Variants in MMP16 observed in about 807,000 individuals in gnomAD.
MMP16 encodes matrix metalloproteinase-16.
A neutral mutation model predicts 67.8 loss-of-function variants in MMP16; 12 were observed. The observed-to-expected ratio is 0.18, with a 90% CI of 0.11 to 0.29. MMP16 has a LOEUF of 0.29. Among genes scored for constraint, MMP16 ranks in the 10% least tolerant of loss-of-function variants. The pLI is 1.00. For missense variants in MMP16, 475 were observed against 765.7 expected, an observed-to-expected ratio of 0.62 and a Z score of 4.48; for synonymous variants, 249 against 255.9, an observed-to-expected ratio of 0.97 and a Z score of 0.26.
At chr8:88,112,954 T>G (rs532903584) in intron 6 of MMP16, among the ~76,000 whole-genome samples, 1 of 151,944 alleles carries the variant, frequency 6.6e-6, no homozygotes. Flanking sequence ...AGAATTTACG[T>G]AAATAATACT....
chr8:88,101,653 G>A (rs1386158527), intron 6 of MMP16, among the ~76,000 whole-genome samples: 1 of 151,880 alleles, frequency 6.6e-6, no homozygotes, highest in Non-Finnish European at 1.5e-5. Context: ...TAGGTGAGGG[G>A]CAAAGAGCCT....
At chr8:88,124,090 C>T (rs1264778598) in intron 4 of MMP16, among the ~76,000 whole-genome samples, 2 of 151,888 alleles carry the variant, frequency 1.3e-5, no homozygotes, top group South Asian at 2.1e-4. Flanking sequence ...AATGCACTTG[C>T]GAGTAGCATT....
chr8:88,048,905 C>G (rs1295436471), intron 8 of MMP16, among the ~76,000 whole-genome samples: 1 of 152,132 alleles, frequency 6.6e-6, no homozygotes, highest in Non-Finnish European at 1.5e-5. Context: ...GGATTCTTTA[C>G]CTAACAGAGC....
At chr8:88,243,680 C>T (rs978390880) in intron 1 of MMP16, among the ~76,000 whole-genome samples, 9 of 152,046 alleles carry the variant, frequency 5.9e-5, no homozygotes, top group African/African-American at 1.9e-4. Flanking sequence ...AATTTTTTTA[C>T]GTTAATCGTT....
chr8:88,132,518 G>A (rs908186564), intron 4 of MMP16, among the ~76,000 whole-genome samples: 3 of 151,870 alleles, frequency 2.0e-5, no homozygotes, highest in Non-Finnish European at 2.9e-5. Flanking sequence ...GTGTTGGCAA[G>A]CTTTGGATCC....
At chr8:88,200,538 T>G (rs1272946243) in intron 1 of MMP16, among the ~76,000 whole-genome samples, 6 of 152,062 alleles carry the variant, frequency 3.9e-5, no homozygotes, top group African/African-American at 1.4e-4. Context: ...ATTATTCAGT[T>G]GGAGGAACAA....
chr8:88,093,620 C>CT (rs1279836962), intron 6 of MMP16, among the ~76,000 whole-genome samples: 4 of 151,728 alleles, frequency 2.6e-5, no homozygotes, highest in African/African-American at 9.7e-5. Flanking sequence ...TTTAGCTGTT[C>CT]TTTGTACTTC....
At chr8:88,206,258 A>G (rs933726846) in intron 1 of MMP16, among the ~76,000 whole-genome samples, 27 of 152,100 alleles carry the variant, frequency 1.8e-4, no homozygotes, top group Non-Finnish European at 1.5e-4. Flanking sequence ...GAAATTTTTC[A>G]TCACCCCAAA....
In MMP16 at chr8:88,118,901, T is replaced by C. The variant is rs751977916; in HGVS notation, c.710-40A>G. ...AGAAAATAAGTTTTTGTAACTAATA[T>C]CCAAATACAGAATTGAAAAGGACAA... On this transcript the variant is annotated intron_variant, in intron 4 of 9. Transcript: ENST00000286614. 4 of 1,578,178 alleles carry C rather than the reference T, an allele frequency of 2.5e-6. No individual in the cohort carries two copies. The South Asian group carries it at 3.4e-5, about 13-fold the overall frequency.
chr8:88,188,091 G>A (rs190394446), intron 2 of MMP16, among the ~76,000 whole-genome samples: 1 of 152,132 alleles, frequency 6.6e-6, no homozygotes, highest in East Asian at 1.9e-4. Context: ...TCAAGAGAAG[G>A]GGTTTTGGTA....
intron 6 of MMP16, among the ~76,000 whole-genome samples, chr8:88,092,506 A>G (rs1808955009): frequency 6.6e-6 from 1 of 151,750 alleles, no homozygotes; most frequent in African/African-American, 2.4e-5. Context: ...TATTTATGTG[A>G]TTTTTGACTG....
intron 1 of MMP16, among the ~76,000 whole-genome samples, chr8:88,233,662 C>G (rs1307229830): frequency 3.3e-5 from 5 of 152,186 alleles, no homozygotes; most frequent in Non-Finnish European, 7.3e-5. Flanking sequence ...CTGTCTGGTA[C>G]TGGGCTTTTT....
intron 8 of MMP16, among the ~76,000 whole-genome samples, chr8:88,048,239 A>G (rs1808223485): frequency 6.6e-6 from 1 of 152,094 alleles, no homozygotes; most frequent in East Asian, 1.9e-4. Flanking sequence ...TACTCAGTGT[A>G]TAGACATTAA....
Position 88,075,179 on chromosome 8 carries a change from C to T in MMP16, c.1084-436G>A, listed in dbSNP as rs188678717. ...AATAGAGAGTCCACACCTGTCTGTA[C>T]GCCCCTGTTATGCCTATTGTCTCAT... On this transcript the variant is annotated intron_variant, in intron 6 of 9. Transcript: ENST00000286614. 2.0e-4 allele frequency among the ~76,000 whole-genome samples: 30 copies of T among 152,234 alleles called. No homozygotes were observed. In the East Asian group the frequency reaches 2.7e-3, roughly 14 times the overall value.
chr8:88,098,586 CT>C (rs1201976465), intron 6 of MMP16, among the ~76,000 whole-genome samples: 1 of 151,834 alleles, frequency 6.6e-6, no homozygotes, highest in Non-Finnish European at 1.5e-5. Flanking sequence ...ATAACAAATA[CT>C]TATTTCAAGA....
intron 1 of MMP16, among the ~76,000 whole-genome samples, chr8:88,288,221 G>A (rs1810863994): frequency 6.6e-6 from 1 of 152,140 alleles, no homozygotes; most frequent in Non-Finnish European, 1.5e-5. Flanking sequence ...CATTAGTAAA[G>A]ACAATTCCCT....
chr8:88,280,799 T>TC (rs1810721342), intron 1 of MMP16, among the ~76,000 whole-genome samples: 1 of 152,048 alleles, frequency 6.6e-6, no homozygotes, highest in Non-Finnish European at 1.5e-5. Flanking sequence ...ACAGGAGGAC[T>TC]GCTTGAGCTT....
chr8:88,309,362 T>C (rs552702246), intron 1 of MMP16, among the ~76,000 whole-genome samples: 1 of 151,014 alleles, frequency 6.6e-6, no homozygotes, highest in East Asian at 2.0e-4. Flanking sequence ...GTTAAAAATA[T>C]ACAGAACATT....
chr8:88,155,116 T>C (rs1808486821), intron 4 of MMP16, among the ~76,000 whole-genome samples: 1 of 152,098 alleles, frequency 6.6e-6, no homozygotes, highest in Non-Finnish European at 1.5e-5. Context: ...TTTATACAAA[T>C]ACTGAATGTT....
Sources: allele counts gnomAD v4.1 joint callset (sites outside exome capture counted in the v4.1 genomes callset), GRCh38; gene constraint gnomAD v4.1.1; transcripts MANE v1.5; gene names NCBI Gene and HGNC (gene_info 2026-07-23, HGNC 2026-07-21).